NKAIN2: variants seen among roughly 807,000 people sequenced by gnomAD.
The protein encoded by NKAIN2 is sodium/potassium transporting ATPase interacting 2.
Under a neutral mutation model 32.6 loss-of-function variants are expected in NKAIN2, and 14 were observed. The observed-to-expected ratio is 0.43, with a 90% CI of 0.28 to 0.67. NKAIN2 has a LOEUF of 0.67. NKAIN2 is among the 30% of genes least tolerant of loss of function. The pLI, the probability that NKAIN2 is intolerant of heterozygous loss-of-function variation, is 0.17. For synonymous variants in NKAIN2, 80 were observed against 87.2 expected, an observed-to-expected ratio of 0.92 and a Z score of 0.46; for missense variants, 198 against 258.3, an observed-to-expected ratio of 0.77 and a Z score of 1.60.
intron 1 of NKAIN2, among the ~76,000 whole-genome samples, chr6:123,935,719 T>A (rs558967317): frequency 1.3e-5 from 2 of 152,204 alleles, no homozygotes; most frequent in African/African-American, 4.8e-5. Context: ...AAAAGGTCTT[T>A]AAGTTCTAAC....
chr6:124,493,984 C>T (rs1247271345), intron 3 of NKAIN2, among the ~76,000 whole-genome samples: 1 of 152,008 alleles, frequency 6.6e-6, no homozygotes, highest in Non-Finnish European at 1.5e-5. Flanking sequence ...CCTGAGAGCA[C>T]TTTCTCAGGA....
intron 3 of NKAIN2, among the ~76,000 whole-genome samples, chr6:124,608,855 A>C (rs542875490): frequency 4.6e-5 from 7 of 152,282 alleles, no homozygotes; most frequent in Admixed American, 4.6e-4. Flanking sequence ...ATGCCTGTGG[A>C]CTATAATTCT....
intron 1 of NKAIN2, among the ~76,000 whole-genome samples, chr6:124,258,150 A>AG (rs1336166782): frequency 3.9e-5 from 6 of 152,232 alleles, no homozygotes; most frequent in East Asian, 3.9e-4. Flanking sequence ...ATTAAAAAAA[A>AG]AAAAAAACTG....
intron 1 of NKAIN2, among the ~76,000 whole-genome samples, chr6:123,996,792 C>G (rs1779636544): frequency 6.6e-6 from 1 of 151,994 alleles, no homozygotes; most frequent in Non-Finnish European, 1.5e-5. Flanking sequence ...ACTTTTTCTT[C>G]TTAAAAGAAG....
At chr6:124,413,711 C>T (rs572335848) in intron 3 of NKAIN2, among the ~76,000 whole-genome samples, 6 of 152,094 alleles carry the variant, frequency 3.9e-5, no homozygotes, top group Non-Finnish European at 8.8e-5. Context: ...ACTTTGTCAT[C>T]TTCAATTTTT....
At chr6:124,155,579 T>C (rs1203296734) in intron 1 of NKAIN2, among the ~76,000 whole-genome samples, 1 of 151,796 alleles carries the variant, frequency 6.6e-6, no homozygotes, top group Non-Finnish European at 1.5e-5. Context: ...TGAAAACATA[T>C]GTGTGTAATA....
intron 3 of NKAIN2, among the ~76,000 whole-genome samples, chr6:124,482,080 A>T (rs545964415): frequency 2.3e-4 from 35 of 152,250 alleles, no homozygotes; most frequent in Non-Finnish European, 2.9e-4. Context: ...ACCCTCAAAA[A>T]TTTATCTGGG....
At chr6:124,068,255 G>A (rs769664077) in intron 1 of NKAIN2, among the ~76,000 whole-genome samples, 1 of 151,980 alleles carries the variant, frequency 6.6e-6, no homozygotes, top group Non-Finnish European at 1.5e-5. Context: ...ATGATATAAT[G>A]TATAATACAC....
At chr6:124,480,586 GTATTAT>G (rs60818370) in intron 3 of NKAIN2, among the ~76,000 whole-genome samples, 95,016 of 149,268 alleles carry the variant, frequency 0.64, 30,741 homozygotes, top group East Asian at 0.84. Context: ...AGATGTTGAG[GTATTAT>G]TATTATTATT....
intron 3 of NKAIN2, among the ~76,000 whole-genome samples, chr6:124,367,100 A>T (rs1799553942): frequency 6.6e-6 from 1 of 152,086 alleles, no homozygotes; most frequent in Non-Finnish European, 1.5e-5. Context: ...TATGCAGGAG[A>T]ATGCCACTGA....
At chr6:124,419,521 G>A (rs9482554) in intron 3 of NKAIN2, among the ~76,000 whole-genome samples, 2,290 of 152,258 alleles carry the variant, frequency 0.015, 58 homozygotes, top group African/African-American at 0.052. Flanking sequence ...GAAGGAGGCT[G>A]CTGAATTCCA....
intron 3 of NKAIN2, among the ~76,000 whole-genome samples, chr6:124,436,886 T>C (rs1775469795): frequency 6.6e-6 from 1 of 152,176 alleles, no homozygotes. Flanking sequence ...GCAATGACTA[T>C]ACGGTTCTCC....
chr6:123,990,248 A>G (rs1484048959), intron 1 of NKAIN2, among the ~76,000 whole-genome samples: 1 of 152,196 alleles, frequency 6.6e-6, no homozygotes, highest in African/African-American at 2.4e-5. Flanking sequence ...TGGGGATTAC[A>G]ATTCAAGATG....
chr6:124,081,973 A>G (rs79485175), intron 1 of NKAIN2, among the ~76,000 whole-genome samples: 4,448 of 152,144 alleles, frequency 0.029, 200 homozygotes, highest in African/African-American at 0.098. Flanking sequence ...AGAACAAAGG[A>G]GTAAATTCAA....
chr6:124,508,014 A>T lies in NKAIN2; in HGVS notation c.274-150172A>T, dbSNP rs146654743. Among the ~76,000 whole-genome samples, 290 of 152,144 alleles carry T rather than the reference A, an allele frequency of 1.9e-3. 1 individual carries two copies. The highest frequency in any genetic ancestry group is 6.8e-3 in the African/African-American group (284 of 41,518). Reference sequence around the variant, plus strand: ...ACGCCTGTAATCCCTACATTTTGGCAGGCCAAGGCAGAAGGATCACTTGAG... The same window carrying T: ...ACGCCTGTAATCCCTACATTTTGGCTGGCCAAGGCAGAAGGATCACTTGAG... On this transcript the variant is annotated intron_variant, in intron 3 of 6. Coordinates refer to ENST00000368417, the MANE Select transcript of NKAIN2 (RefSeq NM_001040214.3).
intron 4 of NKAIN2, among the ~76,000 whole-genome samples, chr6:124,668,540 C>G (rs1199166967): frequency 2.0e-5 from 3 of 152,072 alleles, no homozygotes; most frequent in Non-Finnish European, 4.4e-5. Context: ...AGAATAATAG[C>G]AGGTTCTATT....
At chr6:123,819,705 T>C (rs941314684) in intron 1 of NKAIN2, among the ~76,000 whole-genome samples, 1 of 152,104 alleles carries the variant, frequency 6.6e-6, no homozygotes, top group African/African-American at 2.4e-5. Context: ...AGGGTAATTA[T>C]TTAGGATGCA....
chr6:124,588,543 A>G (rs979887939), intron 3 of NKAIN2, among the ~76,000 whole-genome samples: 18 of 152,298 alleles, frequency 1.2e-4, no homozygotes, highest in Middle Eastern at 3.4e-3. Context: ...AGGTTCTAAA[A>G]TGAACCTGTA....
intron 1 of NKAIN2, among the ~76,000 whole-genome samples, chr6:123,976,781 A>T (rs1409267784): frequency 6.6e-6 from 1 of 152,164 alleles, no homozygotes; most frequent in Non-Finnish European, 1.5e-5. Context: ...AATGTTCTAC[A>T]AAAAGAACTA....
Sources: allele counts gnomAD v4.1 joint callset (sites outside exome capture counted in the v4.1 genomes callset), GRCh38; gene constraint gnomAD v4.1.1; transcripts MANE v1.5; gene names NCBI Gene and HGNC (gene_info 2026-07-23, HGNC 2026-07-21).